ABCB10: variants seen among roughly 807,000 people sequenced by gnomAD.
The protein encoded by ABCB10 is ATP binding cassette subfamily B member 10.
ABCB10 carries 54 observed loss-of-function variants against 65.4 expected under a neutral mutation model. That is an observed-to-expected ratio of 0.83 (90% confidence interval 0.66 to 1.04). ABCB10 has a LOEUF of 1.04. Among genes scored for constraint, ABCB10 ranks in the 50% least tolerant of loss-of-function variants. The pLI, the probability that ABCB10 is intolerant of heterozygous loss-of-function variation, is 0.00. For synonymous variants in ABCB10, 418 were observed against 406.5 expected, an observed-to-expected ratio of 1.03 and a Z score of -0.34; for missense variants, 846 against 976.6, an observed-to-expected ratio of 0.87 and a Z score of 1.78.
At chr1:229,546,714 T>A (rs564311528) in intron 3 of ABCB10, among the ~76,000 whole-genome samples, 205 of 151,302 alleles carry the variant, frequency 1.4e-3, no homozygotes, top group Non-Finnish European at 1.8e-3. Context: ...CTACAAAAAA[T>A]ATATATATAT....
intron 6 of ABCB10, chr1:229,535,291 T>C (rs896225672): frequency 1.3e-5 from 2 of 152,202 alleles, no homozygotes; most frequent in Non-Finnish European, 2.9e-5. Context: ...TGGATGTTTA[T>C]AGCAGCTTTA....
At position 229,539,295 on chromosome 1, in the gene ABCB10, A is replaced by G. The variant is rs150820779; in HGVS notation, c.1339+161T>C. On this transcript the variant is annotated intron_variant, in intron 6 of 12. Coordinates refer to ENST00000344517, the MANE Select transcript of ABCB10 (RefSeq NM_012089.3). ...TTGCTCACCTGCTGGGGAGGGTCAC[A>G]CTCATTTTACTTCTTTAAAAGCCCA... Among the ~76,000 whole-genome samples the G allele has an allele frequency of 5.8e-3, 889 of 152,282 alleles. 4 individuals are homozygous for G. Among genetic ancestry groups the G allele is most frequent in the Non-Finnish European group, 9.8e-3 (665 of 68,030 alleles).
rs541232214 is a variant in ABCB10, at chr1:229,529,630, A to AC, written c.1645+568dup. On this transcript the variant is annotated intron_variant, in intron 8 of 12. Coordinates refer to ENST00000344517, the MANE Select transcript of ABCB10 (RefSeq NM_012089.3). ...GCTTGCAGTGAGCTGAGATCGCGCC[A>AC]CTGCACTCCAGCCTGGGCGACAGAG... Among the ~76,000 whole-genome samples the AC allele has an allele frequency of 2.9e-3, 417 of 143,602 alleles. 4 individuals are homozygous for AC. The highest frequency in any genetic ancestry group is 0.01 in the African/African-American group (398 of 38,566). 94.2% of individuals were successfully genotyped at this position (143,602 alleles called of 152,430 possible). A position where few individuals can be genotyped will look rare whatever the true frequency, so the allele number is the denominator to read the frequency against.
intron 7 of ABCB10, among the ~76,000 whole-genome samples, chr1:229,531,045 C>T (rs1463934324): frequency 2.0e-5 from 3 of 152,042 alleles, no homozygotes; most frequent in African/African-American, 7.2e-5. Flanking sequence ...CTGACAATGT[C>T]CTAGGAAGTC....
intron 3 of ABCB10, among the ~76,000 whole-genome samples, chr1:229,545,105 C>G (rs1222911609): frequency 6.6e-6 from 1 of 152,166 alleles, no homozygotes; most frequent in Non-Finnish European, 1.5e-5. Flanking sequence ...GCATCCCAAA[C>G]AGACCCCTTT....
chr1:229,518,588 A>G (rs1266083777), intron 12 of ABCB10, among the ~76,000 whole-genome samples, 178 bp from the exon 13 acceptor site: 2 of 152,228 alleles, frequency 1.3e-5, no homozygotes, highest in Non-Finnish European at 2.9e-5. Flanking sequence ...AGCATTCTGC[A>G]CAGTTACAGC....
In ABCB10 at chr1:229,558,436, G is replaced by A. The variant is rs1271518099; in HGVS notation, c.217C>T (p.Arg73Trp). The A allele has an allele frequency of 4.1e-6, 5 of 1,210,698 alleles. No homozygotes were observed. The highest frequency in any genetic ancestry group is 3.7e-5 in the East Asian group (1 of 26,698). The allele number at this position is 1,210,698 out of a possible 1,614,324, so 75.0% of individuals were successfully genotyped here. A position where few individuals can be genotyped will look rare whatever the true frequency, so the allele number is the denominator to read the frequency against. Residue 73 changes from arginine (R) to tryptophan (W), a missense_variant, in exon 1 of 13, where the codon CGG becomes TGG. Physicochemically the swap from Arg to Trp is moderately radical, Grantham distance 101 (BLOSUM62 -3). Around this residue, in one of 2 missense-constraint regions of ABCB10, gnomAD observed 214 missense variants for 173.5 expected, o/e 1.23. Transcript: ENST00000344517. The stretch of plus-strand genomic sequence containing the variant: ...CGCGAGGCGCCCGGACCCCCGCCCC[G>A]GCAGCCGCTCCTCCAGCGGCGCGCG... ...GAARRWRSGC[R>W]GGGPGASRGV...
chr1:229,529,474 T>A (rs1264102540), intron 8 of ABCB10, among the ~76,000 whole-genome samples: 2 of 149,200 alleles, frequency 1.3e-5, no homozygotes, highest in African/African-American at 4.9e-5. Flanking sequence ...ATCGAGACCA[T>A]CCTGGCTAAC....
At chr1:229,546,972 T>C (rs1662982759) in intron 3 of ABCB10, among the ~76,000 whole-genome samples, 1 of 152,190 alleles carries the variant, frequency 6.6e-6, no homozygotes, top group Non-Finnish European at 1.5e-5. Flanking sequence ...ATCACATATG[T>C]GGCTTGCATT....
At position 229,549,344 on chromosome 1, in the gene ABCB10, G is replaced by T. The variant is rs1408766864; in HGVS notation, c.608C>A (p.Pro203His). 3.1e-6 allele frequency: 5 copies of T among 1,614,024 alleles called. No homozygotes were observed. In the Admixed American group the frequency reaches 6.7e-5, roughly 22 times the overall value. The change falls in exon 2 of 13, where the codon CCC becomes CAC. Residue 203 changes from proline (P) to histidine (H), a missense_variant. Coordinates refer to ENST00000344517, the MANE Select transcript of ABCB10 (RefSeq NM_012089.3). ...GKIIDVIYTN[P>H]TVDYSDNLTR... ...CAGGTTGTCGCTGTAGTCCACAGTG[G>T]GGTTGGTATAGATGACATCAATGAT...
At position 229,540,701 on chromosome 1, in the gene ABCB10, C is replaced by A; in HGVS notation, c.1108G>T (p.Glu370Ter). ...NVRTVRAFGK[E>*]MTEIEKYASK... ...GCATATTTCTCGATTTCAGTCATTT[C>A]TTTCCCAAAAGCTCGAACAGTTCTT... is the stretch of plus-strand genomic sequence containing the variant. The change falls in exon 5 of 13, where the codon GAA (glutamate) becomes TAA (stop). Residue 370 changes from glutamate (E) to a stop codon, truncating the protein, a stop_gained. Coordinates refer to ENST00000344517, the MANE Select transcript of ABCB10 (RefSeq NM_012089.3). LOFTEE classifies it high-confidence loss of function. 3.7e-6 allele frequency: 6 copies of A among 1,613,646 alleles called. No homozygotes were observed. Among genetic ancestry groups the A allele is most frequent in the Non-Finnish European group, 5.1e-6 (6 of 1,180,014 alleles).
chr1:229,558,032 T>C, intron 1 of ABCB10, 104 bp downstream of exon 1: 4 of 1,189,962 alleles, frequency 3.4e-6, no homozygotes, highest in Non-Finnish European at 4.2e-6. Context: ...GAGGCGGCGG[T>C]GACACGCGCT....
At position 229,540,593 on chromosome 1, in the gene ABCB10, G is replaced by A. The variant is rs2102699068; in HGVS notation, c.1203+13C>T. Reference sequence around the variant, plus strand: ...ATTTGCCAATTTTACTTTTTCCAAAGTGATCTACTTACTGCTCCAAAGAAA... The same window carrying A: ...ATTTGCCAATTTTACTTTTTCCAAAATGATCTACTTACTGCTCCAAAGAAA... On this transcript the variant is annotated intron_variant, in intron 5 of 12. Transcript: ENST00000344517. The A allele has an allele frequency of 1.2e-6, 2 of 1,602,786 alleles. No individual in the cohort carries two copies. Among genetic ancestry groups the A allele is most frequent in the Non-Finnish European group, 1.7e-6 (2 of 1,176,178 alleles).
At position 229,542,335 on chromosome 1, in the gene ABCB10, T is replaced by G. The variant is rs769004949; in HGVS notation, c.958A>C (p.Ser320Arg). 1.2e-6 allele frequency: 2 copies of G among 1,613,694 alleles called. No homozygotes were observed. The highest frequency in any genetic ancestry group is 1.1e-5 in the South Asian group (1 of 91,044). Residue 320 changes from serine (S) to arginine (R), a missense_variant, in exon 4 of 13, where the codon AGC becomes CGC. Coordinates refer to ENST00000344517, the MANE Select transcript of ABCB10 (RefSeq NM_012089.3). Reference protein sequence around the residue: ...VSPNLATFVLSVVPPVSIIAV... With the variant: ...VSPNLATFVLRVVPPVSIIAV... Reference sequence around the variant, plus strand: ...ATGATTGACACTGGAGGCACCACGCTCAAAACAAAGGTGGCCAGATTAGGT... The same window carrying G: ...ATGATTGACACTGGAGGCACCACGCGCAAAACAAAGGTGGCCAGATTAGGT...
chr1:229,541,025 CAT>C (rs1662831103), intron 4 of ABCB10, among the ~76,000 whole-genome samples: 1 of 152,070 alleles, frequency 6.6e-6, no homozygotes, highest in Admixed American at 6.6e-5. Context: ...ATCAGAAAAA[CAT>C]AGAGGCAGAA....
chr1:229,547,531 C>G lies in ABCB10; in HGVS notation c.889G>C (p.Gly297Arg). Residue 297 changes from glycine to arginine, a missense_variant, in exon 3 of 13, where the codon GGG becomes CGG. Transcript: ENST00000344517. The stretch of plus-strand genomic sequence containing the variant: ...CTGATGCCTACGGAAGCCTGGGCCC[C>G]GGCCCTGAGCCCATCTGAGAGGTTT... ...TENLSDGLRA[G>R]AQASVGISMM... 6.2e-7 allele frequency: 1 copy of G among 1,613,400 alleles called. No individual in the cohort carries two copies. The highest frequency in any genetic ancestry group is 1.3e-5 in the African/African-American group (1 of 75,018).
intron 2 of ABCB10, among the ~76,000 whole-genome samples, chr1:229,547,909 C>T (rs973338552): frequency 2.0e-5 from 3 of 152,160 alleles, no homozygotes; most frequent in Admixed American, 6.5e-5. Flanking sequence ...ACTAACACTA[C>T]TTTTCTCTTA....
At chr1:229,521,556 C>A in intron 11 of ABCB10, 36 bp downstream of exon 11, 1 of 1,562,912 alleles carries the variant, frequency 6.4e-7, no homozygotes, top group South Asian at 1.2e-5. Context: ...AAAATAATCC[C>A]TAATTTAAAA....
Position 229,543,375 on chromosome 1 carries a change from C to T in ABCB10, c.922-1004G>A, listed in dbSNP as rs1310723916. ...TCAACATTGCAATTTGGTGATTGTA[C>T]TTTCAATAGTACTGGCATCTCTTCG... On this transcript the variant is annotated intron_variant, in intron 3 of 12. Transcript: ENST00000344517. 3.3e-5 allele frequency among the ~76,000 whole-genome samples: 5 copies of T among 152,182 alleles called. No homozygotes were observed. In the South Asian group the frequency reaches 8.3e-4, roughly 25 times the overall value.
Sources: gnomAD v4.1 joint callset for allele counts (sites outside exome capture counted in the v4.1 genomes callset) on GRCh38, gnomAD v4.1.1 for gene constraint, gnomAD v4.1.1 regional missense constraint, MANE v1.5 for transcripts, NCBI Gene and HGNC (gene_info 2026-07-23, HGNC 2026-07-21) for gene names.